Variants in UTS2 observed in about 807,000 individuals in gnomAD.
UTS2 encodes the protein urotensin 2.
In UTS2, 10 loss-of-function variants were observed where a neutral mutation model predicts 12.6. That is an observed-to-expected ratio of 0.80 (90% CI 0.49 to 1.35). The LOEUF is 1.35. Among genes scored for constraint, UTS2 ranks in the 40% most tolerant of loss-of-function variants. The pLI, the probability that UTS2 is intolerant of heterozygous loss-of-function variation, is 0.00. For synonymous variants in UTS2, 52 were observed against 50.0 expected, an observed-to-expected ratio of 1.04 and a Z score of -0.17; for missense variants, 142 against 143.2, an observed-to-expected ratio of 0.99 and a Z score of 0.04.
chr1:7,907,097 T>C, the UTS2 span, among the ~76,000 whole-genome samples: 7 of 151,458 alleles, frequency 4.6e-5, no homozygotes, highest in Non-Finnish European at 1.0e-4. Flanking sequence ...CTACCAAAAA[T>C]ACAAAAAAAT....
the UTS2 span, among the ~76,000 whole-genome samples, chr1:7,905,207 G>T: frequency 6.7e-6 from 1 of 150,078 alleles, no homozygotes; most frequent in South Asian, 2.1e-4. Context: ...GTAATGGCGC[G>T]ATCTTGGCTC....
chr1:7,902,489 A>G, the UTS2 span, among the ~76,000 whole-genome samples: 1 of 152,110 alleles, frequency 6.6e-6, no homozygotes, highest in African/African-American at 2.4e-5. Flanking sequence ...TCCACTCCCC[A>G]TACATTTTCT....
chr1:7,891,487 C>T, the UTS2 span, among the ~76,000 whole-genome samples: 23 of 147,754 alleles, frequency 1.6e-4, no homozygotes, highest in African/African-American at 5.8e-4. Flanking sequence ...GGTTGCACCT[C>T]TGAACTCCAG....
At chr1:7,886,245 G>A in the UTS2 span, among the ~76,000 whole-genome samples, 1 of 152,164 alleles carries the variant, frequency 6.6e-6, no homozygotes, top group Non-Finnish European at 1.5e-5. Flanking sequence ...AACCCATCTC[G>A]GCCCAGGCTG....
chr1:7,857,680 T>G (rs1638340616), upstream of UTS2, among the ~76,000 whole-genome samples: 2 of 151,946 alleles, frequency 1.3e-5, no homozygotes, highest in African/African-American at 4.8e-5. Context: ...AGTGAGACCC[T>G]GTCTCTACAA....
the UTS2 span, among the ~76,000 whole-genome samples, chr1:7,889,127 A>G: frequency 6.6e-6 from 1 of 151,680 alleles, no homozygotes; most frequent in Non-Finnish European, 1.5e-5. Flanking sequence ...GAAAAAGTGT[A>G]ACAAAGTAGA....
chr1:7,892,899 T>G, the UTS2 span, among the ~76,000 whole-genome samples: 1 of 152,104 alleles, frequency 6.6e-6, no homozygotes, highest in Non-Finnish European at 1.5e-5. Flanking sequence ...TGAAAAGTCC[T>G]TTTTGCCATG....
chr1:7,912,519 T>C, the UTS2 span, among the ~76,000 whole-genome samples: 1 of 152,164 alleles, frequency 6.6e-6, no homozygotes, highest in Admixed American at 6.6e-5. Flanking sequence ...AGTGTCATGA[T>C]CTCAGCTCAC....
chr1:7,902,350 G>C, the UTS2 span, among the ~76,000 whole-genome samples: 2 of 152,174 alleles, frequency 1.3e-5, no homozygotes, highest in Non-Finnish European at 2.9e-5. Flanking sequence ...GTGATTCTCT[G>C]GGGGAAAGCG....
the UTS2 span, among the ~76,000 whole-genome samples, chr1:7,861,454 G>C: frequency 6.6e-6 from 1 of 152,230 alleles, no homozygotes; most frequent in African/African-American, 2.4e-5. Flanking sequence ...GTCTTTTGCA[G>C]AGTCTTGCTA....
the UTS2 span, among the ~76,000 whole-genome samples, chr1:7,881,299 G>T: frequency 0.34 from 51,966 of 152,014 alleles, 9,605 homozygotes; most frequent in South Asian, 0.45. Context: ...GAGCAATCAG[G>T]CAAGAGAAAG....
the UTS2 span, among the ~76,000 whole-genome samples, chr1:7,875,349 C>T: frequency 1.3e-5 from 2 of 152,248 alleles, no homozygotes; most frequent in African/African-American, 4.8e-5. Flanking sequence ...ACTGGGATTA[C>T]AGGCGTGAGT....
the UTS2 span, among the ~76,000 whole-genome samples, chr1:7,906,467 G>GAAAGAAAGAAAGAAAGA: frequency 1.8e-5 from 2 of 113,904 alleles, no homozygotes; most frequent in Non-Finnish European, 3.6e-5. Context: ...AAGAAAGAAA[G>GAAAGAAAGAAAGAAAGA]AAAGAAAGAA....
chr1:7,907,535 G>A, the UTS2 span, among the ~76,000 whole-genome samples: 25,002 of 151,268 alleles, frequency 0.17, 2,502 homozygotes, highest in South Asian at 0.32. Context: ...ATTAGAAGTC[G>A]TAGCTACTCA....
the UTS2 span, among the ~76,000 whole-genome samples, chr1:7,864,220 C>T: frequency 6.6e-6 from 1 of 152,168 alleles, no homozygotes. Flanking sequence ...GTCGGCAGGG[C>T]TGATGTCTCC....
At chr1:7,904,309 TAA>T in the UTS2 span, among the ~76,000 whole-genome samples, 9,453 of 130,298 alleles carry the variant, frequency 0.073, 1,009 homozygotes, top group African/African-American at 0.26. Context: ...CTACAAAAAA[TAA>T]AAAAAAAAAA....
At chr1:7,879,379 A>G in the UTS2 span, among the ~76,000 whole-genome samples, 1 of 152,354 alleles carries the variant, frequency 6.6e-6, no homozygotes, top group Admixed American at 6.5e-5. Flanking sequence ...ACACAAATAC[A>G]TGGAAATTAA....
chr1:7,900,559 C>G, the UTS2 span, among the ~76,000 whole-genome samples: 8 of 151,988 alleles, frequency 5.3e-5, no homozygotes, highest in Non-Finnish European at 1.0e-4. Context: ...GGTGGATTAC[C>G]TGAGGTCAGG....
chr1:7,853,132 A>G (rs796253358), upstream of UTS2: 9 of 1,483,834 alleles, frequency 6.1e-6, no homozygotes, highest in African/African-American at 1.3e-4. Flanking sequence ...TCCAAAAAAA[A>G]AAAAAAAATG....
Sources: gnomAD v4.1 joint callset for allele counts (sites outside exome capture counted in the v4.1 genomes callset) on GRCh38, gnomAD v4.1.1 for gene constraint, MANE v1.5 for transcripts, NCBI Gene and HGNC (gene_info 2026-07-23, HGNC 2026-07-21) for gene names.